Variants in SELP observed in about 807,000 individuals in gnomAD.
SELP encodes P-selectin.
In SELP, 92 loss-of-function variants were observed where a neutral mutation model predicts 104.1. The observed-to-expected ratio is 0.88, with a 90% CI of 0.75 to 1.05. The LOEUF is 1.05. SELP is among the 50% of genes least tolerant of loss of function. SELP has a pLI of 0.00. For missense variants in SELP, 1,022 were observed against 1,017.3 expected, an observed-to-expected ratio of 1.00 and a Z score of -0.06; for synonymous variants, 397 against 364.5, an observed-to-expected ratio of 1.09 and a Z score of -1.01.
chr1:169,614,457 G>T (rs1202856323), intron 3 of SELP, among the ~76,000 whole-genome samples: 1 of 152,172 alleles, frequency 6.6e-6, no homozygotes. Flanking sequence ...CTGCAAGAAA[G>T]TATTTTAGGG....
At chr1:169,606,834 G>T in intron 9 of SELP, 115 bp downstream of exon 9, 1 of 942,774 alleles carries the variant, frequency 1.1e-6, no homozygotes, top group South Asian at 1.6e-5. Flanking sequence ...GAGTATTTAT[G>T]AATTTTCCAG....
At chr1:169,610,874 G>A (rs1324074132) in intron 7 of SELP, among the ~76,000 whole-genome samples, 1 of 152,108 alleles carries the variant, frequency 6.6e-6, no homozygotes, top group Non-Finnish European at 1.5e-5. Flanking sequence ...GGCAAGAAAA[G>A]TGAGGTTCAG....
chr1:169,621,680 T>C (rs1488534699), intron 1 of SELP, among the ~76,000 whole-genome samples: 1 of 152,202 alleles, frequency 6.6e-6, no homozygotes, highest in Non-Finnish European at 1.5e-5. Flanking sequence ...ACTTTTCATC[T>C]GGGAGCTTCT....
In SELP at chr1:169,607,075, A is replaced by G. The variant is rs758575837; in HGVS notation, c.1393T>C (p.Phe465Leu). ...ACTGACTGGTACCTAAAGGCACCGA[A>G]GGGGTGGGAGCAGTTCACCCGGGCC... ...NEARVNCSHP[F>L]GAFRYQSVCS... The change falls in exon 9 of 17, where the codon TTC becomes CTC. Residue 465 changes from phenylalanine (F) to leucine (L), a missense_variant. Coordinates refer to ENST00000263686, the MANE Select transcript of SELP (RefSeq NM_003005.4). 6 of 1,612,940 alleles carry G rather than the reference A, an allele frequency of 3.7e-6. No individual in the cohort carries two copies. The highest frequency in any genetic ancestry group is 5.1e-6 in the Non-Finnish European group (6 of 1,179,156).
At chr1:169,603,323 G>GTC in intron 9 of SELP, 112 bp from the exon 10 acceptor site, 1 of 664,412 alleles carries the variant, frequency 1.5e-6, no homozygotes, top group South Asian at 2.4e-5. Context: ...GTGTGTGTGT[G>GTC]TGTGTGTGTG....
At chr1:169,589,504 C>G in intron 16 of SELP, 43 bp from the exon 17 acceptor site, 1 of 152,108 alleles carries the variant, frequency 6.6e-6, no homozygotes, top group East Asian at 1.9e-4. Flanking sequence ...TAGCAGGAAA[C>G]TTGATGTTCA....
chr1:169,611,624 G>A lies in SELP; in HGVS notation c.1015C>T (p.His339Tyr). The A allele has an allele frequency of 6.2e-7, 1 of 1,614,138 alleles. No individual in the cohort carries two copies. The highest frequency in any genetic ancestry group is 8.5e-7 in the Non-Finnish European group (1 of 1,180,004). The change falls in exon 7 of 17, where the codon CAT (histidine) becomes TAT (tyrosine). Residue 339 changes from histidine (H) to tyrosine (Y), a missense_variant. Coordinates refer to ENST00000263686, the MANE Select transcript of SELP (RefSeq NM_003005.4). The stretch of plus-strand genomic sequence containing the variant: ...CCATAGGCAAAAGCAGTGAGCGGAT[G>A]AACACAGTCCATGGTTCCTTCACTG... Reference protein sequence around the residue: ...APSEGTMDCVHPLTAFAYGSS... With the variant: ...APSEGTMDCVYPLTAFAYGSS...
intron 8 of SELP, 77 bp downstream of exon 8, chr1:169,609,427 A>G: frequency 7.3e-7 from 1 of 1,373,308 alleles, no homozygotes; most frequent in Non-Finnish European, 1.0e-6. Context: ...AAAGAAAGGC[A>G]TGCCAATGCT....
intron 1 of SELP, among the ~76,000 whole-genome samples, chr1:169,624,880 C>G (rs1663301766): frequency 6.6e-6 from 1 of 152,220 alleles, no homozygotes; most frequent in African/African-American, 2.4e-5. Context: ...TGTCCCATGG[C>G]TTGCCACGTT....
intron 12 of SELP, among the ~76,000 whole-genome samples, chr1:169,595,433 G>T (rs1256406551): frequency 1.3e-5 from 2 of 152,132 alleles, no homozygotes; most frequent in Non-Finnish European, 2.9e-5. Flanking sequence ...AGTGACATTT[G>T]CAAAGCACTG....
chr1:169,612,392 G>C lies in SELP; in HGVS notation c.786C>G (p.Cys262Trp). Residue 262 changes from cysteine to tryptophan, a missense_variant, in exon 6 of 17, where the codon TGC (cysteine) becomes TGG (tryptophan). Transcript: ENST00000263686. The part of the protein sequence containing the change: ...NKPPQCLAAQ[C>W]PPLKIPERGN... ...CTCGTTCAGGAATCTTCAGGGGTGG[G>C]CACTGGGCAGCTAAAACCAACCACA... The C allele has an allele frequency of 6.2e-7, 1 of 1,614,030 alleles. No homozygotes were observed. The highest frequency in any genetic ancestry group is 8.5e-7 in the Non-Finnish European group (1 of 1,179,954).
intron 8 of SELP, among the ~76,000 whole-genome samples, chr1:169,607,549 C>A (rs1662264378): frequency 6.6e-6 from 1 of 151,978 alleles, no homozygotes. Flanking sequence ...TTAAAGGTCA[C>A]TAAAAATAAT....
At chr1:169,608,132 G>T in intron 8 of SELP, among the ~76,000 whole-genome samples, 1 of 142,538 alleles carries the variant, frequency 7.0e-6, no homozygotes, top group African/African-American at 2.6e-5. Flanking sequence ...CTATTCTATT[G>T]CCTTCTTGTT....
chr1:169,600,206 C>G (rs1340633628), intron 10 of SELP, among the ~76,000 whole-genome samples: 1 of 146,886 alleles, frequency 6.8e-6, no homozygotes, highest in Non-Finnish European at 1.5e-5. Flanking sequence ...GGATTCAACT[C>G]GTTGTGGATC....
At chr1:169,601,204 CCCA>C (rs1661894836) in intron 10 of SELP, among the ~76,000 whole-genome samples, 1 of 152,132 alleles carries the variant, frequency 6.6e-6, no homozygotes, top group Non-Finnish European at 1.5e-5. Flanking sequence ...AAACCACAAG[CCCA>C]AATGCTTTCC....
At position 169,615,137 on chromosome 1, in the gene SELP, T is replaced by C. The variant is rs1169191359; in HGVS notation, c.482-1444A>G. ...TTCATGATGATTCAATGAATAAATC[T>C]TTTTTCGATAGCCTGCTCTGAGGTC... is the stretch of plus-strand genomic sequence containing the variant. On this transcript the variant is annotated intron_variant, in intron 3 of 16. Coordinates refer to ENST00000263686, the MANE Select transcript of SELP (RefSeq NM_003005.4). 2.0e-5 allele frequency among the ~76,000 whole-genome samples: 3 copies of C among 152,254 alleles called. No homozygotes were observed. In the South Asian group the frequency reaches 6.2e-4, roughly 31 times the overall value.
intron 8 of SELP, among the ~76,000 whole-genome samples, chr1:169,609,277 G>A (rs1328052399): frequency 1.3e-5 from 2 of 152,034 alleles, no homozygotes; most frequent in Non-Finnish European, 2.9e-5. Flanking sequence ...CACCCTATAT[G>A]TGTCAATCAG....
At chr1:169,605,090 C>CAGTATGGA (rs1662115903) in intron 9 of SELP, among the ~76,000 whole-genome samples, 4 of 152,166 alleles carry the variant, frequency 2.6e-5, no homozygotes, top group African/African-American at 7.2e-5. Flanking sequence ...CTGTGAAACA[C>CAGTATGGA]CCAGAGGCAG....
chr1:169,594,696 G>A lies in SELP; in HGVS notation c.2283C>T (p.Cys761=), dbSNP rs748112541. 14 of 1,612,478 alleles carry A rather than the reference G, an allele frequency of 8.7e-6. No individual in the cohort carries two copies. The highest frequency in any genetic ancestry group is 1.1e-5 in the Non-Finnish European group (13 of 1,179,100). Residue 761 remains cysteine, a synonymous_variant, in exon 13 of 17, where the codon TGC becomes TGT. Coordinates refer to ENST00000263686, the MANE Select transcript of SELP (RefSeq NM_003005.4). ...TAACCCACATGAAAATTGTACCTTG[G>A]CAGGTTGGCACGGTAGTTGACCAGT... ...NGHWSTTVPT[C]QAGPLTIQEA...
Sources: gnomAD v4.1 joint callset for allele counts (sites outside exome capture counted in the v4.1 genomes callset) on GRCh38, gnomAD v4.1.1 for gene constraint, MANE v1.5 for transcripts, NCBI Gene and HGNC (gene_info 2026-07-23, HGNC 2026-07-21) for gene names.